The following DAPK1 variants were observed in gnomAD, a reference collection of about 807,000 sequenced individuals.
DAPK1 encodes death-associated protein kinase 1.
A neutral mutation model predicts 144.9 loss-of-function variants in DAPK1; 56 were observed. That is an observed-to-expected ratio of 0.39 (90% CI 0.31 to 0.48). The LOEUF (loss-of-function observed/expected upper bound fraction) is 0.48, where lower values mean the gene tolerates loss of function less well. Ranked by LOEUF, DAPK1 falls within the 20% of genes least tolerant of loss-of-function variation. The pLI is 0.95. For synonymous variants in DAPK1, 690 were observed against 749.0 expected (o/e 0.92, Z 1.29); for missense variants, 1,454 against 1,875.4 (o/e 0.78, Z 4.15).
chr9:87,665,435 A>G (rs1831017465), intron 18 of DAPK1, among the ~76,000 whole-genome samples: 2 of 152,214 alleles, frequency 1.3e-5, no homozygotes, highest in Non-Finnish European at 2.9e-5. Flanking sequence ...GGTTAACAAA[A>G]AATCCATATT....
intron 2 of DAPK1, among the ~76,000 whole-genome samples, chr9:87,592,681 C>T (rs935856565): frequency 6.6e-6 from 1 of 152,080 alleles, no homozygotes; most frequent in African/African-American, 2.4e-5. Flanking sequence ...CATGCTTGCT[C>T]GGATCGGGCC....
chr9:87,573,949 A>G (rs1421352731), intron 2 of DAPK1, among the ~76,000 whole-genome samples: 1 of 152,238 alleles, frequency 6.6e-6, no homozygotes, highest in Non-Finnish European at 1.5e-5. Context: ...TTATTTCTAT[A>G]TCATATAGAA....
intron 2 of DAPK1, among the ~76,000 whole-genome samples, chr9:87,593,959 T>A (rs1828228181): frequency 6.6e-6 from 1 of 152,166 alleles, no homozygotes. Flanking sequence ...GGGGCTCAAC[T>A]GGGGTCTTGG....
chr9:87,504,079 C>A (rs766129522), intron 2 of DAPK1, among the ~76,000 whole-genome samples: 1 of 152,234 alleles, frequency 6.6e-6, no homozygotes, highest in East Asian at 1.9e-4. Context: ...AGGGGAGAGA[C>A]TTTCTGGCAT....
At chr9:87,568,161 G>GT (rs1827200716) in intron 2 of DAPK1, among the ~76,000 whole-genome samples, 1 of 152,236 alleles carries the variant, frequency 6.6e-6, no homozygotes, top group Non-Finnish European at 1.5e-5. Flanking sequence ...GGGGAGCTGC[G>GT]GGCCTGTGTC....
chr9:87,502,355 G>C (rs1255106680), intron 2 of DAPK1, among the ~76,000 whole-genome samples: 1 of 152,106 alleles, frequency 6.6e-6, no homozygotes, highest in Admixed American at 6.5e-5. Flanking sequence ...CTCACCCTCT[G>C]TCCCAGGAGG....
At chr9:87,632,147 GGTAT>G in intron 3 of DAPK1, 5 of 748,138 alleles carry the variant, frequency 6.7e-6, no homozygotes, top group African/African-American at 1.9e-5. Flanking sequence ...ATACCAGATG[GGTAT>G]GTATGTATGT....
intron 2 of DAPK1, among the ~76,000 whole-genome samples, chr9:87,563,379 C>G (rs943859833): frequency 6.6e-6 from 1 of 152,162 alleles, no homozygotes; most frequent in Non-Finnish European, 1.5e-5. Flanking sequence ...TTGAAAGATA[C>G]AGTGTGAACA....
chr9:87,497,872 G>A lies in DAPK1; in HGVS notation c.-344G>A. The A allele has an allele frequency of 2.5e-6, 1 of 394,246 alleles. No individual in the cohort carries two copies. The highest frequency in any genetic ancestry group is 4.5e-6 in the Non-Finnish European group (1 of 223,742). 24.4% of individuals were successfully genotyped at this position (394,246 alleles called of 1,614,324 possible). A position where few individuals can be genotyped will look rare whatever the true frequency, so the allele number is the denominator to read the frequency against. On this transcript the variant is annotated 5_prime_UTR_variant, in exon 1 of 26. Coordinates refer to ENST00000408954, the MANE Select transcript of DAPK1 (RefSeq NM_004938.4). ...CGGCAAGGAGCCGAGAGGCTGCTTC[G>A]GAGTGTGAGGAGGACAGCCGGACCG...
chr9:87,518,964 C>T (rs1184691092), intron 2 of DAPK1, among the ~76,000 whole-genome samples: 2 of 151,748 alleles, frequency 1.3e-5, no homozygotes, highest in Admixed American at 6.6e-5. Context: ...AAGTAGAGAT[C>T]GCAGGAAGCA....
chr9:87,693,720 G>A (rs1025370374), intron 21 of DAPK1, among the ~76,000 whole-genome samples: 1 of 152,134 alleles, frequency 6.6e-6, no homozygotes, highest in Non-Finnish European at 1.5e-5. Context: ...TTTCATAGGG[G>A]AGGGCATTTT....
At chr9:87,503,347 C>G (rs917430535) in intron 2 of DAPK1, among the ~76,000 whole-genome samples, 1 of 152,072 alleles carries the variant, frequency 6.6e-6, no homozygotes, top group African/African-American at 2.4e-5. Context: ...TCACTGTAAC[C>G]TTGAACTCCT....
In DAPK1 at chr9:87,673,161, AT is replaced by A. The variant is rs533956900; in HGVS notation, c.2001+4489del. Among the ~76,000 whole-genome samples the A allele has an allele frequency of 9.4e-4, 143 of 152,240 alleles. 1 individual carries two copies. Among genetic ancestry groups the A allele is most frequent in the African/African-American group, 3.3e-3 (138 of 41,544 alleles). On this transcript the variant is annotated intron_variant, in intron 19 of 25. Coordinates refer to ENST00000408954, the MANE Select transcript of DAPK1 (RefSeq NM_004938.4). ...ACATGCTAGCATTCCCTACAGCCAT[AT>A]TGTGAAAACCAAAAGAATCCCTCCA...
intron 2 of DAPK1, among the ~76,000 whole-genome samples, chr9:87,530,477 C>T (rs1486461579): frequency 6.6e-6 from 1 of 152,196 alleles, no homozygotes. Flanking sequence ...AATCTTATGT[C>T]TACTTTCCTT....
intron 13 of DAPK1, 85 bp from the exon 14 acceptor site, chr9:87,647,220 G>A: frequency 1.9e-6 from 2 of 1,079,594 alleles, no homozygotes; most frequent in Non-Finnish European, 2.9e-6. Context: ...CACACAGGAA[G>A]GGAAATAACA....
rs1825283489 is a variant in DAPK1 at position 87,697,008 on chromosome 9, A to T, written c.2415A>T (p.Gly805=). The change falls in exon 22 of 26, where the codon GGA becomes GGT. Residue 805 remains glycine, a splice_region_variant and synonymous_variant. Transcript: ENST00000408954. The part of the protein sequence containing the change: ...AIDIQNAYLN[G]VGDFSVWEFS... The stretch of plus-strand genomic sequence containing the variant: ...GTTATCATTTTTCTTTTTCTGTAGG[A>T]GTTGGCGATTTCAGCGTGTGGGAGT... 1 of 1,508,884 alleles carries T rather than the reference A, an allele frequency of 6.6e-7. No homozygotes were observed. Among genetic ancestry groups the T allele is most frequent in the Non-Finnish European group, 9.2e-7 (1 of 1,083,766 alleles). The allele number at this position is 1,508,884 out of a possible 1,614,324, so 93.5% of individuals were successfully genotyped here. A position where few individuals can be genotyped will look rare whatever the true frequency, so the allele number is the denominator to read the frequency against.
At chr9:87,561,343 G>A (rs941125847) in intron 2 of DAPK1, among the ~76,000 whole-genome samples, 9 of 152,070 alleles carry the variant, frequency 5.9e-5, no homozygotes, top group South Asian at 2.1e-4. Context: ...TGGCTAACAC[G>A]GTGAAACCTC....
chr9:87,638,129 C>G, intron 4 of DAPK1, 48 bp downstream of exon 4: 1 of 1,533,608 alleles, frequency 6.5e-7, no homozygotes, highest in East Asian at 2.3e-5. Context: ...AGATCACAGC[C>G]TTGGTTGTTT....
At position 87,681,503 on chromosome 9, in the gene DAPK1, A is replaced by G; in HGVS notation, c.2101A>G (p.Thr701Ala). ...KLFGHSGSGK[T>A]TLVESLKCGL... ...GTTTGGCCACTCGGGATCCGGGAAA[A>G]CCACCCTTGTAGAATCTCTCAAGTG... is the stretch of plus-strand genomic sequence containing the variant. The change falls in exon 20 of 26, where the codon ACC becomes GCC. Residue 701 changes from threonine (T) to alanine (A), a missense_variant. This residue lies in a region of DAPK1 where 1,025 missense variants were observed against 1,237.9 expected (regional missense o/e 0.83). Transcript: ENST00000408954. 1 of 1,612,590 alleles carries G rather than the reference A, an allele frequency of 6.2e-7. No individual in the cohort carries two copies. The highest frequency in any genetic ancestry group is 8.5e-7 in the Non-Finnish European group (1 of 1,178,662).
Sources: allele counts gnomAD v4.1 joint callset (sites outside exome capture counted in the v4.1 genomes callset), GRCh38; gene constraint gnomAD v4.1.1; regional missense constraint gnomAD v4.1.1; transcripts MANE v1.5; gene names NCBI Gene and HGNC (gene_info 2026-07-23, HGNC 2026-07-21).